Variants in PCDH15 observed in about 807,000 individuals in gnomAD.
PCDH15 encodes the protein protocadherin-15.
In PCDH15, 129 loss-of-function variants were observed where a neutral mutation model predicts 178.5. The observed-to-expected ratio is 0.72, with a 90% CI of 0.63 to 0.84. The LOEUF is 0.84. Among genes scored for constraint, PCDH15 ranks in the 40% least tolerant of loss-of-function variants. The probability of loss-of-function intolerance (pLI) is 0.00; values close to 1 mark genes in which losing one functional copy is unlikely to be tolerated. For synonymous variants in PCDH15, 800 were observed against 732.0 expected, an observed-to-expected ratio of 1.09 and a Z score of -1.50; for missense variants, 2,230 against 2,099.9, an observed-to-expected ratio of 1.06 and a Z score of -1.21.
At chr10:54,756,056 A>AC (rs1947047019) in intron 1 of PCDH15, among the ~76,000 whole-genome samples, 1,133 of 71,730 alleles carry the variant, frequency 0.016, 25 homozygotes, top group African/African-American at 0.043. Flanking sequence ...CTCTACTAAA[A>AC]ACACACACAC....
intron 15 of PCDH15, among the ~76,000 whole-genome samples, chr10:54,094,899 A>G (rs1259234287): frequency 6.6e-6 from 1 of 152,180 alleles, no homozygotes; most frequent in Non-Finnish European, 1.5e-5. Context: ...GGGAAACAAA[A>G]GTATTTATCC....
intron 2 of PCDH15, among the ~76,000 whole-genome samples, chr10:55,165,893 C>G (rs778030229): frequency 4.6e-5 from 7 of 151,724 alleles, no homozygotes; most frequent in Non-Finnish European, 8.8e-5. Context: ...ATTTCTGTAC[C>G]TTTTTCCATA....
chr10:53,874,681 T>C (rs1360647390), intron 26 of PCDH15, among the ~76,000 whole-genome samples: 2 of 151,876 alleles, frequency 1.3e-5, no homozygotes, highest in Non-Finnish European at 2.9e-5. Flanking sequence ...CCAAGAAAGA[T>C]GAAAAGTTAT....
intron 2 of PCDH15, among the ~76,000 whole-genome samples, chr10:54,992,986 T>C (rs1410073455): frequency 2.3e-5 from 3 of 129,498 alleles, no homozygotes; most frequent in Admixed American, 7.5e-5. Context: ...TCAGGGAAGT[T>C]GGAATAGCAG....
At chr10:55,582,622 A>ATTTTTTTT (rs1266708993) in intron 2 of PCDH15, among the ~76,000 whole-genome samples, 18 of 74,268 alleles carry the variant, frequency 2.4e-4, no homozygotes, top group East Asian at 1.6e-3. Flanking sequence ...ATATATATAT[A>ATTTTTTTT]TATATATTTT....
chr10:54,333,795 A>G (rs1348254638), intron 6 of PCDH15, among the ~76,000 whole-genome samples: 1 of 152,276 alleles, frequency 6.6e-6, no homozygotes, highest in East Asian at 1.9e-4. Context: ...GGTGATCCTG[A>G]TGCAGATGAT....
chr10:53,961,659 T>A, intron 22 of PCDH15, 93 bp downstream of exon 22: 2 of 953,284 alleles, frequency 2.1e-6, no homozygotes, highest in South Asian at 3.1e-5. Context: ...AGGAGAAAAA[T>A]TGAAAGAAAA....
intron 5 of PCDH15, among the ~76,000 whole-genome samples, chr10:54,360,381 C>T (rs2134472680): frequency 6.6e-6 from 1 of 152,156 alleles, no homozygotes; most frequent in South Asian, 2.1e-4. Flanking sequence ...TTGGCTGAAG[C>T]ACCTGATTAA....
chr10:54,072,355 C>A (rs960299428), intron 17 of PCDH15, among the ~76,000 whole-genome samples: 2 of 152,108 alleles, frequency 1.3e-5, no homozygotes, highest in Non-Finnish European at 2.9e-5. Context: ...CAGAGCCAAG[C>A]CAACTTCATT....
intron 2 of PCDH15, among the ~76,000 whole-genome samples, chr10:55,133,881 T>G (rs1046450363): frequency 6.6e-6 from 1 of 152,100 alleles, no homozygotes; most frequent in Admixed American, 6.6e-5. Flanking sequence ...TCCGAGCACC[T>G]CCAGTGCTGA....
chr10:54,503,183 G>A (rs1306481398), intron 3 of PCDH15, among the ~76,000 whole-genome samples: 1 of 149,772 alleles, frequency 6.7e-6, no homozygotes, highest in Non-Finnish European at 1.5e-5. Context: ...TTCAACTGGT[G>A]TAGCAGATTG....
intron 2 of PCDH15, among the ~76,000 whole-genome samples, chr10:54,535,468 T>G (rs1158231981): frequency 6.6e-6 from 1 of 152,016 alleles, no homozygotes; most frequent in Non-Finnish European, 1.5e-5. Flanking sequence ...CCCAGCACTT[T>G]GGGAGGCCGA....
At chr10:54,450,487 T>TA (rs2076415426) in intron 3 of PCDH15, among the ~76,000 whole-genome samples, 2 of 151,826 alleles carry the variant, frequency 1.3e-5, no homozygotes, top group Non-Finnish European at 2.9e-5. Context: ...TTGCCCCACA[T>TA]ATCTTCTTAC....
At chr10:54,072,812 G>C (rs994581841) in intron 17 of PCDH15, among the ~76,000 whole-genome samples, 1 of 152,144 alleles carries the variant, frequency 6.6e-6, no homozygotes, top group Non-Finnish European at 1.5e-5. Context: ...GAGGTGTCAA[G>C]AGAGAGAAGC....
chr10:54,646,871 AACTCCT>A (rs2094140437), intron 2 of PCDH15, among the ~76,000 whole-genome samples: 1 of 152,086 alleles, frequency 6.6e-6, no homozygotes, highest in Non-Finnish European at 1.5e-5. Flanking sequence ...GAGAAACTGG[AACTCCT>A]ATACATGATG....
intron 14 of PCDH15, among the ~76,000 whole-genome samples, chr10:54,152,531 A>T (rs2044642195): frequency 6.6e-6 from 1 of 151,988 alleles, no homozygotes; most frequent in Non-Finnish European, 1.5e-5. Flanking sequence ...ATGGAAAAAA[A>T]CCCCAGCAAA....
chr10:54,505,399 G>A (rs1461624069), intron 3 of PCDH15, among the ~76,000 whole-genome samples: 1 of 152,032 alleles, frequency 6.6e-6, no homozygotes, highest in Non-Finnish European at 1.5e-5. Flanking sequence ...GTGTAATATG[G>A]AAATATTTAC....
chr10:54,422,523 A>G (rs1955669640), intron 3 of PCDH15, among the ~76,000 whole-genome samples: 3 of 152,192 alleles, frequency 2.0e-5, no homozygotes, highest in Non-Finnish European at 2.9e-5. Flanking sequence ...CAACATCGGC[A>G]CTACGACATT....
chr10:54,309,731 G>A (rs999193829), intron 8 of PCDH15, among the ~76,000 whole-genome samples: 1 of 151,936 alleles, frequency 6.6e-6, no homozygotes, highest in Non-Finnish European at 1.5e-5. Flanking sequence ...AGGAGGCATA[G>A]GTTGCAGTGA....
Sources: gnomAD v4.1 joint callset for allele counts (sites outside exome capture counted in the v4.1 genomes callset) on GRCh38, gnomAD v4.1.1 for gene constraint, MANE v1.5 for transcripts, NCBI Gene and HGNC (gene_info 2026-07-23, HGNC 2026-07-21) for gene names.